HSPA12A: variants seen among roughly 807,000 people sequenced by gnomAD.
HSPA12A encodes the protein heat shock 70 kDa protein 12A.
In HSPA12A, 28 loss-of-function variants were observed where a neutral mutation model predicts 69.2. That is an observed-to-expected ratio of 0.40 (90% CI 0.30 to 0.55). The LOEUF is 0.55. Ranked by LOEUF, HSPA12A falls within the 20% of genes least tolerant of loss-of-function variation. The pLI is 0.38. For synonymous variants in HSPA12A, 345 were observed against 370.5 expected, an observed-to-expected ratio of 0.93 and a Z score of 0.79; for missense variants, 686 against 900.7, an observed-to-expected ratio of 0.76 and a Z score of 3.05.
At chr10:116,846,337 T>G (rs1047296721) in intron 1 of HSPA12A, among the ~76,000 whole-genome samples, 3 of 148,178 alleles carry the variant, frequency 2.0e-5, no homozygotes, top group Admixed American at 1.3e-4. Flanking sequence ...TTTTCTTTTT[T>G]TTTTTTGTTT....
At chr10:116,728,892 A>G (rs1851063055) in intron 1 of HSPA12A, among the ~76,000 whole-genome samples, 1 of 152,214 alleles carries the variant, frequency 6.6e-6, no homozygotes, top group South Asian at 2.1e-4. Flanking sequence ...GGAGCCTTCC[A>G]GGATCCTCAA....
At chr10:116,732,869 G>A (rs115188882) in intron 1 of HSPA12A, among the ~76,000 whole-genome samples, 1,574 of 152,280 alleles carry the variant, frequency 0.01, 30 homozygotes, top group African/African-American at 0.034. Context: ...AGCATGCAGA[G>A]GGAGTCGGCA....
Position 116,705,209 on chromosome 10 carries a change from T to C in HSPA12A, c.196A>G (p.Thr66Ala). Residue 66 changes from threonine to alanine, a missense_variant, in exon 3 of 12, where the codon ACA (threonine) becomes GCA (alanine). Transcript: ENST00000369209. ...LVVVAVDFGT[T>A]SSGYAYSFTK... The stretch of plus-strand genomic sequence containing the variant: ...AAGCTGTAGGCATAGCCACTGGATG[T>C]GGTCCCAAAGTCGACGGCCACCACC... 1 of 1,614,170 alleles carries C rather than the reference T, an allele frequency of 6.2e-7. No individual in the cohort carries two copies. The highest frequency in any genetic ancestry group is 2.2e-5 in the East Asian group (1 of 44,856).
intron 1 of HSPA12A, among the ~76,000 whole-genome samples, chr10:116,848,187 AAC>A (rs796116555): frequency 1.3e-5 from 2 of 152,368 alleles, no homozygotes; most frequent in African/African-American, 2.4e-5. Flanking sequence ...ATGTGAAGGT[AAC>A]ACAGACTCAG....
intron 2 of HSPA12A, among the ~76,000 whole-genome samples, chr10:116,799,459 A>G (rs1485875932): frequency 6.6e-6 from 1 of 152,182 alleles, no homozygotes; most frequent in Non-Finnish European, 1.5e-5. Context: ...CTGAACAAAC[A>G]CACACACGCA....
In HSPA12A at chr10:116,701,141, G is replaced by A; in HGVS notation, c.255-12C>T. 2 of 1,612,430 alleles carry A rather than the reference G, an allele frequency of 1.2e-6. No homozygotes were observed. Among genetic ancestry groups the A allele is most frequent in the Non-Finnish European group, 1.7e-6 (2 of 1,179,144 alleles). On this transcript the variant is annotated splice_polypyrimidine_tract_variant and intron_variant, in intron 3 of 11. Coordinates refer to ENST00000369209, the MANE Select transcript of HSPA12A (RefSeq NM_025015.3). ...CTCCCTCCCATCGCCTGCCACCAAG[G>A]GAAGCAGAAGTTATGGGGCCTTCTT...
chr10:116,712,159 A>C (rs1203190851), intron 1 of HSPA12A, among the ~76,000 whole-genome samples: 2 of 152,214 alleles, frequency 1.3e-5, no homozygotes, highest in Non-Finnish European at 2.9e-5. Flanking sequence ...CGTGTTAGAT[A>C]ATTTAACATC....
Position 116,723,284 on chromosome 10 carries a change from T to G in HSPA12A, c.41-15999A>C, listed in dbSNP as rs140560975. On this transcript the variant is annotated intron_variant, in intron 1 of 11. Transcript: ENST00000369209. This position sits in a 1 kb window ranked among gnomAD's most constrained non-coding sequence, Gnocchi z 4.1. ...TCCTCTGCCATCTGGGAAAGCCATCTGCCATCCCTCAGGCCTGGCTTGTGC... is the reference window on the plus strand; with the variant it reads ...TCCTCTGCCATCTGGGAAAGCCATCGGCCATCCCTCAGGCCTGGCTTGTGC... 2.5e-3 allele frequency among the ~76,000 whole-genome samples: 384 copies of G among 152,246 alleles called. 1 individual carries two copies. Among genetic ancestry groups the G allele is most frequent in the African/African-American group, 8.8e-3 (366 of 41,554 alleles).
intron 2 of HSPA12A, among the ~76,000 whole-genome samples, chr10:116,782,410 T>A (rs1195955354): frequency 5.9e-5 from 9 of 152,202 alleles, no homozygotes; most frequent in Admixed American, 5.2e-4. Context: ...ACAAGGCTGA[T>A]AGCAGCGCTT....
At chr10:116,707,143 A>G (rs1850276090) in intron 2 of HSPA12A, 57 bp downstream of exon 2, 1 of 1,305,358 alleles carries the variant, frequency 7.7e-7, no homozygotes, top group Admixed American at 2.3e-5. Context: ...GCTCATGCGC[A>G]CCCATGCGCG....
At chr10:116,783,198 C>T (rs1199292402) in intron 2 of HSPA12A, among the ~76,000 whole-genome samples, 8 of 152,206 alleles carry the variant, frequency 5.3e-5, no homozygotes, top group Admixed American at 5.2e-4. Context: ...ACCTCCAGTC[C>T]AGGTCCCTCT....
intron 5 of HSPA12A, among the ~76,000 whole-genome samples, chr10:116,696,616 T>C (rs1460390805): frequency 2.6e-5 from 4 of 152,234 alleles, no homozygotes; most frequent in African/African-American, 9.6e-5. Context: ...AACAGACTAA[T>C]ACAACACTCT....
chr10:116,714,862 G>A (rs1479504785), intron 1 of HSPA12A, among the ~76,000 whole-genome samples: 5 of 152,182 alleles, frequency 3.3e-5, no homozygotes, highest in Admixed American at 6.5e-5. Flanking sequence ...CCTGCCTAGC[G>A]TGCATCCTGC....
Position 116,815,733 on chromosome 10 carries a change from A to T in HSPA12A, c.91+19202T>A, listed in dbSNP as rs116428021. Among the ~76,000 whole-genome samples the T allele has an allele frequency of 9.3e-3, 1,410 of 152,000 alleles. 18 individuals carry two copies. The highest frequency in any genetic ancestry group is 0.032 in the African/African-American group (1,321 of 41,466). On this transcript the variant is annotated intron_variant, in intron 2 of 12. Transcript: ENST00000635765. ...TCGGGCCACTCCCTCCAACTCCCCCACCAAACGCTGCCAGCCACAAATCCT... is the reference window on the plus strand; with the variant it reads ...TCGGGCCACTCCCTCCAACTCCCCCTCCAAACGCTGCCAGCCACAAATCCT...
intron 1 of HSPA12A, among the ~76,000 whole-genome samples, chr10:116,741,693 AGCCCT>A (rs1554887180): frequency 6.6e-6 from 1 of 151,846 alleles, no homozygotes; most frequent in Admixed American, 6.6e-5. Flanking sequence ...CACCCTTCGG[AGCCCT>A]AATCACGCTC....
intron 3 of HSPA12A, among the ~76,000 whole-genome samples, chr10:116,703,010 T>C (rs1339517915): frequency 6.6e-6 from 1 of 152,224 alleles, no homozygotes; most frequent in African/African-American, 2.4e-5. Context: ...AACAACTACA[T>C]AGAAGCTGAT....
At position 116,736,179 on chromosome 10, in the gene HSPA12A, G is replaced by A. The variant is rs533022701; in HGVS notation, c.40+6251C>T. On this transcript the variant is annotated intron_variant, in intron 1 of 11. Transcript: ENST00000369209. Reference sequence around the variant, plus strand: ...TTATTCAGATCTCAATGAGTCATGGGCCCCTCAGAAGGGGCTAAATCAGCC... The same window carrying A: ...TTATTCAGATCTCAATGAGTCATGGACCCCTCAGAAGGGGCTAAATCAGCC... Among the ~76,000 whole-genome samples the A allele has an allele frequency of 3.3e-5, 5 of 152,208 alleles. No homozygotes were observed. The East Asian group carries it at 9.7e-4, about 29-fold the overall frequency.
intron 3 of HSPA12A, among the ~76,000 whole-genome samples, chr10:116,704,688 A>G (rs1850188715): frequency 6.6e-6 from 1 of 152,232 alleles, no homozygotes; most frequent in African/African-American, 2.4e-5. Context: ...TAAGCACTTA[A>G]TGGACAATCT....
At chr10:116,842,857 T>C (rs1347219780) in intron 1 of HSPA12A, among the ~76,000 whole-genome samples, 1 of 152,156 alleles carries the variant, frequency 6.6e-6, no homozygotes, top group East Asian at 1.9e-4. Flanking sequence ...CCTCCCAAAG[T>C]GTTGAGATTA....
Sources: gnomAD v4.1 joint callset for allele counts (sites outside exome capture counted in the v4.1 genomes callset) on GRCh38, gnomAD v4.1.1 for gene constraint, Gnocchi (gnomAD v3.1) non-coding constraint, MANE v1.5 for transcripts, NCBI Gene and HGNC (gene_info 2026-07-23, HGNC 2026-07-21) for gene names.